SPATA45: variants seen among roughly 807,000 people sequenced by gnomAD.
The protein encoded by SPATA45 is spermatogenesis associated 45, also known as spermatogenesis-associated protein 45.
A neutral mutation model predicts 7.0 loss-of-function variants in SPATA45; 5 were observed. That is an observed-to-expected ratio of 0.71 (90% confidence interval 0.37 to 1.50). The LOEUF (loss-of-function observed/expected upper bound fraction) is 1.50. SPATA45 is among the 40% of genes most tolerant of loss of function. The pLI is 0.03. For missense variants in SPATA45, 111 were observed against 114.9 expected (o/e 0.97, Z 0.16); for synonymous variants, 40 against 38.7 (o/e 1.03, Z -0.13).
rs1022566107 is a variant in SPATA45, at chr1:212,838,392, A to T, written c.-38-2205T>A. ...ATGAGATATCACTACATACCACTAG[A>T]ATGGCTGAAATGAAAAAGACTGACC... On this transcript the variant is annotated intron_variant, in intron 1 of 2. Coordinates refer to ENST00000332912, the MANE Select transcript of SPATA45 (RefSeq NM_001024601.3). 1.5e-4 allele frequency among the ~76,000 whole-genome samples: 23 copies of T among 151,602 alleles called. 1 individual carries two copies. The highest frequency in any genetic ancestry group is 1.2e-3 in the Admixed American group (18 of 15,178).
intron 2 of SPATA45, among the ~76,000 whole-genome samples, chr1:212,834,608 G>A (rs1663556858): frequency 6.6e-6 from 1 of 151,396 alleles, no homozygotes; most frequent in South Asian, 2.1e-4. Context: ...GTGCCACCAC[G>A]CCCAGCTAAT....
chr1:212,843,560 C>T (rs186362957), intron 1 of SPATA45, among the ~76,000 whole-genome samples: 5 of 152,164 alleles, frequency 3.3e-5, no homozygotes, highest in African/African-American at 7.2e-5. Flanking sequence ...TAGGGTCCAG[C>T]GAAAATAAAA....
intron 2 of SPATA45, among the ~76,000 whole-genome samples, chr1:212,835,044 A>T (rs1189271570): frequency 1.3e-5 from 2 of 151,560 alleles, no homozygotes; most frequent in African/African-American, 4.8e-5. Flanking sequence ...CTGTATGCAT[A>T]AAAAAAGAGA....
At chr1:212,844,696 G>T (rs529342299) in intron 1 of SPATA45, among the ~76,000 whole-genome samples, 3 of 152,250 alleles carry the variant, frequency 2.0e-5, no homozygotes, top group African/African-American at 7.2e-5. Flanking sequence ...AAGGGACTAT[G>T]CATCAATATT....
chr1:212,831,711 A>G (rs868095717), intron 2 of SPATA45, among the ~76,000 whole-genome samples: 4 of 151,268 alleles, frequency 2.6e-5, no homozygotes, highest in Admixed American at 6.6e-5. Context: ...CAGAACTCCA[A>G]ATACTCTATG....
At chr1:212,834,001 G>C (rs569770507) in intron 2 of SPATA45, among the ~76,000 whole-genome samples, 1 of 151,588 alleles carries the variant, frequency 6.6e-6, no homozygotes, top group Non-Finnish European at 1.5e-5. Flanking sequence ...CGCCCACCTC[G>C]GCCTCCCAAA....
In SPATA45 at chr1:212,836,169, T is replaced by C; in HGVS notation, c.-20A>G. The C allele has an allele frequency of 6.3e-7, 1 of 1,580,942 alleles. No homozygotes were observed. Among genetic ancestry groups the C allele is most frequent in the South Asian group, 1.1e-5 (1 of 88,364 alleles). On this transcript the variant is annotated 5_prime_UTR_variant, in exon 2 of 3. Transcript: ENST00000332912. The stretch of plus-strand genomic sequence containing the variant: ...TGCCATTATGGTCACAAACCAATTG[T>C]CAAGTGATTCTTGCTGTCCTACAAA...
chr1:212,846,420 CCT>C (rs1221573440), intron 1 of SPATA45, among the ~76,000 whole-genome samples: 1 of 152,138 alleles, frequency 6.6e-6, no homozygotes, highest in African/African-American at 2.4e-5. Context: ...CATCATATCC[CCT>C]GTGACCTGTA....
chr1:212,843,890 T>C (rs1481790744), intron 1 of SPATA45, among the ~76,000 whole-genome samples: 2 of 152,204 alleles, frequency 1.3e-5, no homozygotes, highest in Admixed American at 1.3e-4. Context: ...ATCCACCCTG[T>C]AGTGCCAAAC....
intron 1 of SPATA45, among the ~76,000 whole-genome samples, chr1:212,837,974 G>A (rs1486256570): frequency 6.6e-6 from 1 of 151,630 alleles, no homozygotes; most frequent in Non-Finnish European, 1.5e-5. Context: ...ACCAACAGCT[G>A]ACTCCTCAAC....
chr1:212,835,884 A>G lies in SPATA45; in HGVS notation c.266T>C (p.Phe89Ser). 6.3e-7 allele frequency: 1 copy of G among 1,583,568 alleles called. No individual in the cohort carries two copies. The highest frequency in any genetic ancestry group is 1.2e-5 in the South Asian group (1 of 84,982). Reference sequence around the variant, plus strand: ...TGATAACTTCTTACTTTTTGGTGGAAAGTGCTTTCTCTCCATGTGAGCAAG... The same window carrying G: ...TGATAACTTCTTACTTTTTGGTGGAGAGTGCTTTCTCTCCATGTGAGCAAG... The part of the protein sequence containing the change: ...SLLAHMERKH[F>S]PPKNNAIFG Residue 89 changes from phenylalanine (F) to serine (S), a missense_variant, in exon 2 of 3, where the codon TTT becomes TCT. Coordinates refer to ENST00000332912, the MANE Select transcript of SPATA45 (RefSeq NM_001024601.3).
At chr1:212,836,454 C>T (rs1456739542) in intron 1 of SPATA45, among the ~76,000 whole-genome samples, 2 of 151,444 alleles carry the variant, frequency 1.3e-5, no homozygotes, top group African/African-American at 4.8e-5. Context: ...CCTCAGCCTC[C>T]TAAGTAGCTG....
At chr1:212,842,058 G>A (rs1663697594) in intron 1 of SPATA45, among the ~76,000 whole-genome samples, 1 of 151,756 alleles carries the variant, frequency 6.6e-6, no homozygotes, top group Non-Finnish European at 1.5e-5. Context: ...ATCACTCCCA[G>A]CCTGAGTTAA....
chr1:212,834,490 G>A (rs1037075118), intron 2 of SPATA45, among the ~76,000 whole-genome samples: 3 of 148,568 alleles, frequency 2.0e-5, no homozygotes, highest in Admixed American at 6.7e-5. Flanking sequence ...TCACTCTGTC[G>A]CCCAGGCTGG....
chr1:212,835,395 G>A (rs1663569316), intron 2 of SPATA45, among the ~76,000 whole-genome samples: 1 of 151,410 alleles, frequency 6.6e-6, no homozygotes, highest in Admixed American at 6.6e-5. Flanking sequence ...ACTTCGTGGT[G>A]CATGCCTGTA....
At chr1:212,844,691 A>T (rs1237377046) in intron 1 of SPATA45, among the ~76,000 whole-genome samples, 4 of 152,190 alleles carry the variant, frequency 2.6e-5, no homozygotes, top group Non-Finnish European at 5.9e-5. Context: ...CTTGCAAGGG[A>T]CTATGCATCA....
chr1:212,831,486 A>AG (rs1663486093), intron 2 of SPATA45, among the ~76,000 whole-genome samples: 1 of 151,172 alleles, frequency 6.6e-6, no homozygotes, highest in South Asian at 2.1e-4. Flanking sequence ...AAAAAAAAAA[A>AG]AAAACCTCAA....
At chr1:212,838,763 G>A (rs1382073328) in intron 1 of SPATA45, among the ~76,000 whole-genome samples, 5 of 151,576 alleles carry the variant, frequency 3.3e-5, no homozygotes, top group Non-Finnish European at 5.9e-5. Context: ...GTGAAGTGGC[G>A]TGACCATGGC....
chr1:212,834,458 T>A (rs1663553057), intron 2 of SPATA45, among the ~76,000 whole-genome samples: 1 of 151,084 alleles, frequency 6.6e-6, no homozygotes, highest in South Asian at 2.1e-4. Flanking sequence ...CGTCCACTTT[T>A]TTTTTTTTTT....
Sources: gnomAD v4.1 joint callset for allele counts (sites outside exome capture counted in the v4.1 genomes callset) on GRCh38, gnomAD v4.1.1 for gene constraint, MANE v1.5 for transcripts, NCBI Gene and HGNC (gene_info 2026-07-23, HGNC 2026-07-21) for gene names.